The following LRRC61 variants were observed in gnomAD, a reference collection of about 807,000 sequenced individuals.
LRRC61 encodes the protein leucine rich repeat containing 61, also known as leucine-rich repeat-containing protein 61.
A neutral mutation model predicts 15.1 loss-of-function variants in LRRC61; 9 were observed. That is an observed-to-expected ratio of 0.60 (90% CI 0.36 to 1.04). The LOEUF is 1.04. Among genes scored for constraint, LRRC61 ranks in the 50% least tolerant of loss-of-function variants. LRRC61 has a pLI of 0.01. For synonymous variants in LRRC61, 173 were observed against 158.6 expected (o/e 1.09, Z -0.68); for missense variants, 344 against 335.6 (o/e 1.03, Z -0.20).
chr7:150,329,517 A>G (rs1375196238), intron 2 of LRRC61, among the ~76,000 whole-genome samples: 1 of 152,054 alleles, frequency 6.6e-6, no homozygotes, highest in East Asian at 1.9e-4. Flanking sequence ...TCCGCCACCC[A>G]TTGCTTGGGA....
chr7:150,319,609 C>T (rs1427690078), upstream of LRRC61, among the ~76,000 whole-genome samples: 1 of 152,228 alleles, frequency 6.6e-6, no homozygotes, highest in Non-Finnish European at 1.5e-5. Context: ...GTGCCTTTGA[C>T]TTTGGGAAGA....
intron 2 of LRRC61, among the ~76,000 whole-genome samples, chr7:150,328,270 A>G (rs1323243375): frequency 6.6e-6 from 1 of 152,236 alleles, no homozygotes; most frequent in Non-Finnish European, 1.5e-5. Flanking sequence ...CAAAATCCCT[A>G]CTTCAATATG....
intron 2 of LRRC61, chr7:150,332,424 G>A (rs546724083): frequency 1.2e-5 from 2 of 167,256 alleles, no homozygotes; most frequent in South Asian, 4.1e-4. Flanking sequence ...GGGGTGAGGG[G>A]ACAGACTCTG....
At chr7:150,311,989 T>TA in the LRRC61 span, among the ~76,000 whole-genome samples, 601 of 152,328 alleles carry the variant, frequency 3.9e-3, 6 homozygotes, top group African/African-American at 0.014. Flanking sequence ...AATGCCTCTC[T>TA]AATAAAGGCC....
chr7:150,331,989 C>G, intron 2 of LRRC61: 3 of 167,212 alleles, frequency 1.8e-5, no homozygotes. Context: ...GGCGTTCTTA[C>G]CAATAGTCTA....
At chr7:150,326,682 GA>G (rs34287911) in intron 2 of LRRC61, among the ~76,000 whole-genome samples, 51,091 of 129,958 alleles carry the variant, frequency 0.39, 9,514 homozygotes, top group African/African-American at 0.5. Context: ...GACCCAGTCT[GA>G]AAAAAAAAAA....
the LRRC61 span, among the ~76,000 whole-genome samples, chr7:150,312,734 CT>C: frequency 6.6e-6 from 1 of 152,170 alleles, no homozygotes; most frequent in African/African-American, 2.4e-5. Flanking sequence ...AACATCGCCC[CT>C]ACCCCCATAA....
chr7:150,316,405 C>T, the LRRC61 span, among the ~76,000 whole-genome samples: 1 of 152,024 alleles, frequency 6.6e-6, no homozygotes, highest in African/African-American at 2.4e-5. Flanking sequence ...CCTACCAACC[C>T]CCAGCCACTA....
chr7:150,334,666 G>A (rs1054844977), intron 2 of LRRC61, among the ~76,000 whole-genome samples: 9 of 152,218 alleles, frequency 5.9e-5, no homozygotes, highest in African/African-American at 1.9e-4. Context: ...GCTGAGTGCT[G>A]TGTAGCTGGA....
chr7:150,325,556 T>C (rs544404778), intron 1 of LRRC61, among the ~76,000 whole-genome samples: 1 of 152,346 alleles, frequency 6.6e-6, no homozygotes, highest in South Asian at 2.1e-4. Flanking sequence ...CAATCTCCAC[T>C]TCCCTGCTCA....
At chr7:150,332,912 T>C (rs1798156243) in intron 2 of LRRC61, among the ~76,000 whole-genome samples, 1 of 152,250 alleles carries the variant, frequency 6.6e-6, no homozygotes, top group African/African-American at 2.4e-5. Context: ...GGGCAGGGCT[T>C]GCTGGATCTC....
chr7:150,323,258 C>A (rs749535653), upstream of LRRC61: 25 of 246,846 alleles, frequency 1.0e-4, no homozygotes, highest in Non-Finnish European at 1.9e-4. Flanking sequence ...CGCGCGAAGA[C>A]CCCCGCAGGC....
At chr7:150,314,695 T>C in the LRRC61 span, among the ~76,000 whole-genome samples, 1 of 149,936 alleles carries the variant, frequency 6.7e-6, no homozygotes, top group African/African-American at 2.5e-5. Flanking sequence ...GTAATCCCAG[T>C]ACTTGGGAAG....
At chr7:150,323,046 C>G (rs1360941846), upstream of LRRC61, 1 of 152,744 alleles carries the variant, frequency 6.5e-6, no homozygotes, top group Admixed American at 6.5e-5. Context: ...CGCCATCCGT[C>G]CGGAGACTGG....
At position 150,326,400 on chromosome 7, in the gene LRRC61, G is replaced by A. The variant is rs141011869; in HGVS notation, c.-145+390G>A. ...GGTCTTAAGATGAAGATTTTGGGGT[G>A]TGCTGGGTGCAGTGGCTCACACCTG... On this transcript the variant is annotated intron_variant, in intron 2 of 2. Coordinates refer to ENST00000359623, the MANE Select transcript of LRRC61 (RefSeq NM_001142928.2). Among the ~76,000 whole-genome samples the A allele has an allele frequency of 5.1e-3, 769 of 152,248 alleles. 8 individuals are homozygous for A. Among genetic ancestry groups the A allele is most frequent in the African/African-American group, 0.017 (726 of 41,552 alleles).
chr7:150,320,566 C>T (rs1797400626), upstream of LRRC61, among the ~76,000 whole-genome samples: 1 of 152,106 alleles, frequency 6.6e-6, no homozygotes, highest in Non-Finnish European at 1.5e-5. Context: ...AGTTTGAGAC[C>T]AGGCTGGCCA....
At chr7:150,315,775 T>C in the LRRC61 span, among the ~76,000 whole-genome samples, 4 of 152,198 alleles carry the variant, frequency 2.6e-5, no homozygotes, top group African/African-American at 9.7e-5. Context: ...TTCATACATG[T>C]GTGTATTCTC....
intron 1 of LRRC61, among the ~76,000 whole-genome samples, chr7:150,324,144 A>G (rs981121996): frequency 2.0e-5 from 3 of 151,770 alleles, no homozygotes; most frequent in Non-Finnish European, 2.9e-5. Flanking sequence ...TTCTCTCACC[A>G]CCTTTCAATC....
At position 150,335,675 on chromosome 7, in the gene LRRC61, G is replaced by A. The variant is rs963028373; in HGVS notation, c.-144-1043G>A. 7.3e-5 allele frequency among the ~76,000 whole-genome samples: 11 copies of A among 150,884 alleles called. No homozygotes were observed. Among genetic ancestry groups the A allele is most frequent in the African/African-American group, 2.5e-4 (10 of 40,190 alleles). The stretch of plus-strand genomic sequence containing the variant: ...TCTGCAGGGCAGGCATCACCCCGCC[G>A]GCCTGGGTGAGACTCCTGGGTCTGG... On this transcript the variant is annotated intron_variant, in intron 2 of 2. Transcript: ENST00000359623. This position sits in a 1 kb window ranked among gnomAD's most constrained non-coding sequence, Gnocchi z 4.3.
Sources: allele counts gnomAD v4.1 joint callset (sites outside exome capture counted in the v4.1 genomes callset), GRCh38; gene constraint gnomAD v4.1.1; non-coding constraint Gnocchi (gnomAD v3.1); transcripts MANE v1.5; gene names NCBI Gene and HGNC (gene_info 2026-07-23, HGNC 2026-07-21).